WFDC1: variants seen among roughly 807,000 people sequenced by gnomAD.
WFDC1 encodes the protein WAP four-disulfide core domain 1.
In WFDC1, 39 loss-of-function variants were observed where a neutral mutation model predicts 32.9. The ratio of observed to expected loss-of-function variants is 1.19; its 90% CI spans 0.92 to 1.55. WFDC1 has a LOEUF of 1.55. Among genes scored for constraint, WFDC1 ranks in the 40% most tolerant of loss-of-function variants. The pLI, the probability that WFDC1 is intolerant of heterozygous loss-of-function variation, is 0.00. For missense variants in WFDC1, 386 were observed against 309.5 expected (o/e 1.25, Z -1.85); for synonymous variants, 184 against 137.4 (o/e 1.34, Z -2.37).
chr16:84,306,799 G>A lies in WFDC1; in HGVS notation c.145-6162G>A, dbSNP rs556879980. ...CATCATCATCATCATCACAGCTTTT[G>A]TTCCACCCGAAGAATATTTACTGAG... On this transcript the variant is annotated intron_variant, in intron 1 of 6. Coordinates refer to ENST00000219454, the MANE Select transcript of WFDC1 (RefSeq NM_021197.4). 2.4e-3 allele frequency among the ~76,000 whole-genome samples: 346 copies of A among 144,310 alleles called. 3 individuals are homozygous for A. The highest frequency in any genetic ancestry group is 6.9e-3 in the Middle Eastern group (2 of 290). 94.7% of individuals were successfully genotyped at this position (144,310 alleles called of 152,430 possible).
Position 84,312,989 on chromosome 16 carries a change from C to A in WFDC1, c.173C>A (p.Pro58His). ...RAEEAGAPGG[P>H]RQPRADRCPP... is the part of the protein sequence containing the mutation. ...GAGGAGGCGGGCGCGCCCGGCGGCC[C>A]CCGGCAGCCCCGAGCAGACCGCTGC... Residue 58 changes from proline to histidine, a missense_variant, in exon 2 of 7, where the codon CCC becomes CAC. Physicochemically the swap from Pro to His is moderately conservative, Grantham distance 77. Transcript: ENST00000219454. 5 of 1,192,700 alleles carry A rather than the reference C, an allele frequency of 4.2e-6. No individual in the cohort carries two copies. The highest frequency in any genetic ancestry group is 3.6e-5 in the East Asian group (1 of 27,858). 73.9% of individuals were successfully genotyped at this position (1,192,700 alleles called of 1,614,324 possible). A position where few individuals can be genotyped will look rare whatever the true frequency, so the allele number is the denominator to read the frequency against.
intron 1 of WFDC1, among the ~76,000 whole-genome samples, chr16:84,307,454 G>T (rs1907329758): frequency 6.6e-6 from 1 of 152,170 alleles, no homozygotes; most frequent in African/African-American, 2.4e-5. Context: ...GGGAGATGTG[G>T]CTTCTAAGGC....
intron 4 of WFDC1, among the ~76,000 whole-genome samples, chr16:84,319,903 T>C (rs904294691): frequency 6.6e-5 from 10 of 152,140 alleles, no homozygotes; most frequent in Non-Finnish European, 1.0e-4. Flanking sequence ...CTACATGCTG[T>C]TGTGGGGCGT....
chr16:84,309,371 A>C (rs1000606356), intron 1 of WFDC1, among the ~76,000 whole-genome samples: 1 of 152,164 alleles, frequency 6.6e-6, no homozygotes, highest in East Asian at 1.9e-4. Flanking sequence ...GCCTTGGAGC[A>C]CAGAGGTGAC....
chr16:84,295,237 C>A (rs556396478), intron 1 of WFDC1, 122 bp downstream of exon 1: 2 of 1,304,074 alleles, frequency 1.5e-6, no homozygotes, highest in Non-Finnish European at 1.1e-6. Flanking sequence ...GCAAGGCAGG[C>A]GTCTTCCTAT....
At chr16:84,326,619 G>A (rs564183701) in intron 5 of WFDC1, 14 of 453,234 alleles carry the variant, frequency 3.1e-5, no homozygotes, top group African/African-American at 2.7e-4. Context: ...GAAGCAATTT[G>A]GCCATCCCCA....
At chr16:84,309,256 C>G (rs55898720) in intron 1 of WFDC1, among the ~76,000 whole-genome samples, 297 of 152,042 alleles carry the variant, frequency 2.0e-3, no homozygotes, top group Non-Finnish European at 3.2e-3. Flanking sequence ...TATCCTATAT[C>G]TAAGTTATTA....
chr16:84,313,435 C>T (rs958016657), intron 2 of WFDC1, among the ~76,000 whole-genome samples: 1 of 152,170 alleles, frequency 6.6e-6, no homozygotes, highest in African/African-American at 2.4e-5. Flanking sequence ...GGCAGGGACC[C>T]TAGATGCCTC....
chr16:84,324,698 A>C (rs1908486006), intron 5 of WFDC1, among the ~76,000 whole-genome samples: 1 of 152,188 alleles, frequency 6.6e-6, no homozygotes, highest in African/African-American at 2.4e-5. Flanking sequence ...AACTGCTCAT[A>C]TTTAAGCCTC....
chr16:84,319,672 C>G, intron 4 of WFDC1, 101 bp downstream of exon 4: 2 of 1,489,554 alleles, frequency 1.3e-6, no homozygotes, highest in Non-Finnish European at 1.8e-6. Flanking sequence ...AGGAAGCAGC[C>G]CCAGCACCTG....
chr16:84,316,447 G>C (rs1486298841), intron 2 of WFDC1: 1 of 152,196 alleles, frequency 6.6e-6, no homozygotes, highest in Non-Finnish European at 1.5e-5. Flanking sequence ...TCCCAGAACA[G>C]TTTTGATCTC....
At chr16:84,298,373 G>T (rs1295521727) in intron 1 of WFDC1, among the ~76,000 whole-genome samples, 2 of 152,124 alleles carry the variant, frequency 1.3e-5, no homozygotes, top group East Asian at 3.9e-4. Flanking sequence ...GGGATTATAG[G>T]TGTGAGCCAC....
At position 84,294,925 on chromosome 16, in the gene WFDC1, G is replaced by C. The variant is rs770551854; in HGVS notation, c.-47G>C. On this transcript the variant is annotated 5_prime_UTR_variant, in exon 1 of 7. Coordinates refer to ENST00000219454, the MANE Select transcript of WFDC1 (RefSeq NM_021197.4). ...CACTCACAGGCCCACGCAGCGAGGGGGGCCCCTCTTCTGTGTGCGTCTGGA... is the reference window on the plus strand; with the variant it reads ...CACTCACAGGCCCACGCAGCGAGGGCGGCCCCTCTTCTGTGTGCGTCTGGA... The C allele has an allele frequency of 6.3e-7, 1 of 1,586,216 alleles. No individual in the cohort carries two copies. The highest frequency in any genetic ancestry group is 2.2e-5 in the East Asian group (1 of 44,622).
intron 2 of WFDC1, among the ~76,000 whole-genome samples, chr16:84,315,570 C>A (rs1002824018): frequency 4.6e-5 from 7 of 152,196 alleles, no homozygotes; most frequent in African/African-American, 1.4e-4. Flanking sequence ...ATTTCACAAT[C>A]TTGGCATATT....
intron 2 of WFDC1, among the ~76,000 whole-genome samples, chr16:84,313,803 C>A (rs111228624): frequency 6.6e-6 from 1 of 152,180 alleles, no homozygotes; most frequent in African/African-American, 2.4e-5. Flanking sequence ...AGTCTCCTCT[C>A]CTGTGAAATG....
intron 1 of WFDC1, among the ~76,000 whole-genome samples, chr16:84,304,717 G>C (rs1208658869): frequency 6.6e-6 from 1 of 152,212 alleles, no homozygotes; most frequent in Non-Finnish European, 1.5e-5. Context: ...TCTGGGGTGA[G>C]TGTCCTCCTT....
rs397833751 is a variant in WFDC1, at chr16:84,297,640, A to T, written c.144+2525A>T. ...CTCAAAAAAAAAAAAAAAAAAAAAA[A>T]AAAAAAACTGTGCCTCAGAGAAAGC... On this transcript the variant is annotated intron_variant, in intron 1 of 6. Coordinates refer to ENST00000219454, the MANE Select transcript of WFDC1 (RefSeq NM_021197.4). Among the ~76,000 whole-genome samples the T allele has an allele frequency of 7.7e-4, 80 of 103,602 alleles. 1 individual carries two copies. The highest frequency in any genetic ancestry group is 8.9e-4 in the African/African-American group (25 of 27,996). 68.0% of individuals were successfully genotyped at this position (103,602 alleles called of 152,430 possible).
chr16:84,318,676 A>C, intron 3 of WFDC1: 6 of 269,918 alleles, frequency 2.2e-5, no homozygotes, highest in East Asian at 1.5e-4. Context: ...CCGCTCTCTA[A>C]TGATGAAGCC....
chr16:84,318,051 G>C, intron 2 of WFDC1: 2 of 516,682 alleles, frequency 3.9e-6, no homozygotes, highest in Non-Finnish European at 7.1e-6. Flanking sequence ...AGCTGCAAGG[G>C]AGGCAGGGAA....
Sources: gnomAD v4.1 joint callset for allele counts (sites outside exome capture counted in the v4.1 genomes callset) on GRCh38, gnomAD v4.1.1 for gene constraint, MANE v1.5 for transcripts, NCBI Gene and HGNC (gene_info 2026-07-23, HGNC 2026-07-21) for gene names.